The following RAB18 variants were observed in gnomAD, a reference collection of about 807,000 sequenced individuals.
RAB18 encodes RAB18, member RAS oncogene family, also known as ras-related protein Rab-18.
A neutral mutation model predicts 28.5 loss-of-function variants in RAB18; 10 were observed. That is an observed-to-expected ratio of 0.35 (90% CI 0.22 to 0.60). The LOEUF is 0.60. RAB18 is among the 20% of genes least tolerant of loss of function. RAB18 has a pLI of 0.78. For synonymous variants in RAB18, 93 were observed against 86.9 expected, an observed-to-expected ratio of 1.07 and a Z score of -0.39; for missense variants, 188 against 244.2, an observed-to-expected ratio of 0.77 and a Z score of 1.53.
chr10:27,534,057 T>TG, intron 6 of RAB18, 63 bp downstream of exon 6: 1 of 1,453,526 alleles, frequency 6.9e-7, no homozygotes, highest in Non-Finnish European at 9.7e-7. Flanking sequence ...ATGGAGTTTT[T>TG]GCCAAGTTTA....
At chr10:27,526,181 C>T (rs937319945) in intron 2 of RAB18, among the ~76,000 whole-genome samples, 3 of 152,062 alleles carry the variant, frequency 2.0e-5, no homozygotes, top group East Asian at 1.9e-4. Flanking sequence ...TTTGGGCACT[C>T]CTCTTTCACT....
intron 4 of RAB18, 30 bp downstream of exon 4, chr10:27,532,609 A>C: frequency 6.7e-7 from 1 of 1,499,356 alleles, no homozygotes; most frequent in Non-Finnish European, 9.3e-7. Context: ...TACTATTTAA[A>C]AATATTTATT....
chr10:27,510,231 C>T (rs1043765447), intron 2 of RAB18: 6 of 402,070 alleles, frequency 1.5e-5, no homozygotes, highest in Non-Finnish European at 2.8e-5. Flanking sequence ...TTGTAATATA[C>T]AACAGTTATT....
intron 3 of RAB18, 33 bp from the exon 4 acceptor site, chr10:27,532,474 T>G: frequency 6.7e-7 from 1 of 1,487,858 alleles, no homozygotes; most frequent in Non-Finnish European, 9.4e-7. Context: ...CTATTTATAC[T>G]TTGTTTAATT....
At position 27,533,975 on chromosome 10, in the gene RAB18, G is replaced by A; in HGVS notation, c.426G>A (p.Lys142=). The change falls in exon 6 of 7, where the codon AAG becomes AAA. Residue 142 remains lysine, a synonymous_variant. Transcript: ENST00000356940. ...DRNEGLKFAR[K]HSMLFIEASA... ...ATGAAGGCCTGAAATTTGCACGAAA[G>A]CATTCCATGTTATTTATAGGTAGGT... The A allele has an allele frequency of 6.2e-7, 1 of 1,602,704 alleles. No homozygotes were observed. Among genetic ancestry groups the A allele is most frequent in the Non-Finnish European group, 8.5e-7 (1 of 1,169,746 alleles).
chr10:27,529,058 A>G (rs905611207), intron 3 of RAB18, among the ~76,000 whole-genome samples: 1 of 152,036 alleles, frequency 6.6e-6, no homozygotes, highest in Admixed American at 6.6e-5. Flanking sequence ...TAATAAAATT[A>G]TTAGCTCTTT....
At chr10:27,518,750 A>G (rs1834487966) in intron 2 of RAB18, among the ~76,000 whole-genome samples, 1 of 152,018 alleles carries the variant, frequency 6.6e-6, no homozygotes, top group South Asian at 2.1e-4. Flanking sequence ...GTATATTTCT[A>G]ACAGCATATG....
At chr10:27,532,619 T>A (rs781371196) in intron 4 of RAB18, 40 bp downstream of exon 4, 1 of 1,451,596 alleles carries the variant, frequency 6.9e-7, no homozygotes, top group Non-Finnish European at 9.6e-7. Flanking sequence ...AAATATTTAT[T>A]GGAGTTTCTG....
rs375160249 is a variant in RAB18 at position 27,536,081 on chromosome 10, C to CAA, written c.446-1783_446-1782dup. On this transcript the variant is annotated intron_variant, in intron 6 of 6. Coordinates refer to ENST00000356940, the MANE Select transcript of RAB18 (RefSeq NM_021252.5). ...TGGGCGACAGAGCGAGACTCTGTCT[C>CAA]AAAAAAAAAAAAAGAGAGCAATCAG... 9.6e-4 allele frequency among the ~76,000 whole-genome samples: 122 copies of CAA among 127,622 alleles called. 1 individual carries two copies. Among genetic ancestry groups the CAA allele is most frequent in the South Asian group, 2.7e-3 (11 of 4,046 alleles). 83.7% of individuals were successfully genotyped at this position (127,622 alleles called of 152,430 possible). A position where few individuals can be genotyped will look rare whatever the true frequency, so the allele number is the denominator to read the frequency against.
chr10:27,516,449 C>G (rs1417125186), intron 2 of RAB18, among the ~76,000 whole-genome samples: 1 of 151,562 alleles, frequency 6.6e-6, no homozygotes, highest in East Asian at 1.9e-4. Flanking sequence ...TCCCAGGTAC[C>G]TGGGAGGCTG....
chr10:27,528,049 G>T (rs1834714210), intron 3 of RAB18, among the ~76,000 whole-genome samples: 1 of 152,046 alleles, frequency 6.6e-6, no homozygotes, highest in Non-Finnish European at 1.5e-5. Flanking sequence ...AACGATATAA[G>T]AATGTTGGCT....
In RAB18 at chr10:27,538,578, C is replaced by A. The variant is rs1253290735; in HGVS notation, c.*527C>A. 6 of 454,210 alleles carry A rather than the reference C, an allele frequency of 1.3e-5. No individual in the cohort carries two copies. The highest frequency in any genetic ancestry group is 2.6e-5 in the Non-Finnish European group (6 of 226,746). The allele number at this position is 454,210 out of a possible 1,614,324, so 28.1% of individuals were successfully genotyped here. On this transcript the variant is annotated 3_prime_UTR_variant, in exon 7 of 7. Coordinates refer to ENST00000356940, the MANE Select transcript of RAB18 (RefSeq NM_021252.5). ...CAAAATTCTCATCACAGAATGTAGC[C>A]CAGGCCAATTTATAACTAAATCTCT...
At chr10:27,516,483 A>T (rs1204432584) in intron 2 of RAB18, among the ~76,000 whole-genome samples, 1 of 151,764 alleles carries the variant, frequency 6.6e-6, no homozygotes, top group Non-Finnish European at 1.5e-5. Flanking sequence ...GCTTAAATTC[A>T]GGAGATGGAG....
At chr10:27,535,802 A>G (rs947662435) in intron 6 of RAB18, among the ~76,000 whole-genome samples, 5 of 152,108 alleles carry the variant, frequency 3.3e-5, no homozygotes, top group Admixed American at 6.5e-5. Flanking sequence ...AAAAAGAGCA[A>G]TCAGGCGGGT....
At chr10:27,537,580 C>T (rs1000909135) in intron 6 of RAB18, among the ~76,000 whole-genome samples, 8 of 152,184 alleles carry the variant, frequency 5.3e-5, no homozygotes, top group Non-Finnish European at 1.0e-4. Context: ...AAGGAAAAAA[C>T]TTTCGCTCGC....
rs1296231751 is a variant in RAB18, at chr10:27,533,619, A to T, written c.260-116A>T. On this transcript the variant is annotated intron_variant, in intron 4 of 6. Coordinates refer to ENST00000356940, the MANE Select transcript of RAB18 (RefSeq NM_021252.5). ...CACTCAATATTAATCGTTGAAGACA[A>T]TAAAAAAAAGACTTGTCTATATTGC... 5 of 1,249,570 alleles carry T rather than the reference A, an allele frequency of 4.0e-6. No individual in the cohort carries two copies. In the East Asian group the frequency reaches 1.2e-4, roughly 30 times the overall value. The allele number at this position is 1,249,570 out of a possible 1,614,324, so 77.4% of individuals were successfully genotyped here. A position where few individuals can be genotyped will look rare whatever the true frequency, so the allele number is the denominator to read the frequency against.
chr10:27,527,121 CAG>C lies in RAB18; in HGVS notation c.186+234_186+235del, dbSNP rs1016034061. 8 of 630,062 alleles carry C rather than the reference CAG, an allele frequency of 1.3e-5. No individual in the cohort carries two copies. The African/African-American group carries it at 1.4e-4, about 11-fold the overall frequency. The allele number at this position is 630,062 out of a possible 1,614,324, so 39.0% of individuals were successfully genotyped here. The stretch of plus-strand genomic sequence containing the variant: ...ATAATTCTTTATGAATATTTCAAAA[CAG>C]AACAGAATATTAAAAAATCATCTCA... On this transcript the variant is annotated intron_variant, in intron 3 of 6. Coordinates refer to ENST00000356940, the MANE Select transcript of RAB18 (RefSeq NM_021252.5).
chr10:27,511,234 A>G (rs1269880024), intron 2 of RAB18, among the ~76,000 whole-genome samples: 1 of 152,132 alleles, frequency 6.6e-6, no homozygotes, highest in African/African-American at 2.4e-5. Context: ...GACAGAGTCT[A>G]GCTCTGTCGC....
intron 1 of RAB18, among the ~76,000 whole-genome samples, chr10:27,509,411 C>T (rs551640392): frequency 1.2e-4 from 19 of 152,230 alleles, no homozygotes; most frequent in Non-Finnish European, 2.4e-4. Context: ...ACAGAATGCT[C>T]GGCTTTGATA....
Sources: allele counts gnomAD v4.1 joint callset (sites outside exome capture counted in the v4.1 genomes callset), GRCh38; gene constraint gnomAD v4.1.1; transcripts MANE v1.5; gene names NCBI Gene and HGNC (gene_info 2026-07-23, HGNC 2026-07-21).